Variants in SKI observed in about 807,000 individuals in gnomAD.
SKI encodes ski oncogene.
A neutral mutation model predicts 59.3 loss-of-function variants in SKI; 23 were observed. That is an observed-to-expected ratio of 0.39 (90% CI 0.28 to 0.55). The LOEUF is 0.55. Among genes scored for constraint, SKI ranks in the 20% least tolerant of loss-of-function variants. The pLI is 0.67. For missense variants in SKI, 1,017 were observed against 1,038.9 expected (o/e 0.98, Z 0.29); for synonymous variants, 673 against 488.6 (o/e 1.38, Z -4.98).
chr1:2,272,138 T>A (rs1044009550), intron 1 of SKI, among the ~76,000 whole-genome samples: 6 of 152,204 alleles, frequency 3.9e-5, no homozygotes, highest in African/African-American at 1.4e-4. Flanking sequence ...CGATTTTTAT[T>A]GCTGTCTCTT....
chr1:2,255,135 G>A (rs1286550940), intron 1 of SKI, among the ~76,000 whole-genome samples: 1 of 152,254 alleles, frequency 6.6e-6, no homozygotes, highest in East Asian at 1.9e-4. Flanking sequence ...GCTGAATGAT[G>A]ACAGCCAGTG....
At chr1:2,273,729 A>C (rs1158847923) in intron 1 of SKI, among the ~76,000 whole-genome samples, 1 of 152,124 alleles carries the variant, frequency 6.6e-6, no homozygotes, top group Non-Finnish European at 1.5e-5. Context: ...CATTGCACCA[A>C]AGTGTGCTCG....
At chr1:2,276,002 G>C (rs1336388588) in intron 1 of SKI, among the ~76,000 whole-genome samples, 1 of 152,214 alleles carries the variant, frequency 6.6e-6, no homozygotes, top group Non-Finnish European at 1.5e-5. Flanking sequence ...GGGGCAGGCA[G>C]CCTCTCAGAG....
At chr1:2,302,622 C>T (rs1367731390) in intron 1 of SKI, among the ~76,000 whole-genome samples, 2 of 152,114 alleles carry the variant, frequency 1.3e-5, no homozygotes, top group Admixed American at 6.5e-5. Flanking sequence ...CGAGGGACTC[C>T]TGGCCAGGCT....
chr1:2,241,949 C>CTG (rs34969427), intron 1 of SKI, among the ~76,000 whole-genome samples: 53,065 of 150,114 alleles, frequency 0.35, 9,417 homozygotes, highest in Admixed American at 0.47. Flanking sequence ...GCATGCCTGT[C>CTG]TGTGTGTGTG....
chr1:2,271,106 C>T (rs1180013793), intron 1 of SKI, among the ~76,000 whole-genome samples: 2 of 152,168 alleles, frequency 1.3e-5, no homozygotes, highest in Admixed American at 6.5e-5. Flanking sequence ...TTGGGGTTTC[C>T]TGATGGGTGT....
Position 2,306,031 on chromosome 1 carries a change from C to G in SKI, c.1779C>G (p.Phe593Leu). The change falls in exon 6 of 7, where the codon TTC becomes TTG. Residue 593 changes from phenylalanine to leucine, a missense_variant. By Grantham distance (22) the Phe-to-Leu change is conservative (BLOSUM62 0). Coordinates refer to ENST00000378536, the MANE Select transcript of SKI (RefSeq NM_003036.4). ...AKRSLHQELE[F>L]LRVAKKEKLR... is the part of the protein sequence containing the mutation. ...CCTCCGGCCCCCAGGAGCTGGAGTT[C>G]CTACGCGTGGCCAAGAAGGAGAAGC... 6.3e-7 allele frequency: 1 copy of G among 1,583,202 alleles called. No homozygotes were observed. The highest frequency in any genetic ancestry group is 8.6e-7 in the Non-Finnish European group (1 of 1,166,480).
chr1:2,283,200 G>A (rs571770165), intron 1 of SKI, among the ~76,000 whole-genome samples: 20 of 152,348 alleles, frequency 1.3e-4, no homozygotes, highest in East Asian at 3.9e-4. Context: ...GTGCCGGTGC[G>A]CCCCTCCTAT....
At chr1:2,248,395 C>T (rs1364079432) in intron 1 of SKI, among the ~76,000 whole-genome samples, 2 of 152,228 alleles carry the variant, frequency 1.3e-5, no homozygotes, top group African/African-American at 4.8e-5. Context: ...TTTTGTCCGG[C>T]TTTGTCCTAA....
At position 2,260,336 on chromosome 1, in the gene SKI, G is replaced by A. The variant is rs1639357932; in HGVS notation, c.969+30601G>A. ...TGGTGAAATGTCCCTTCTGATTTTT[G>A]CCAGTTATTTTAGACTGGGTTTGTT... On this transcript the variant is annotated intron_variant, in intron 1 of 6. Transcript: ENST00000378536. Among the ~76,000 whole-genome samples the A allele has an allele frequency of 2.0e-5, 3 of 152,052 alleles. No individual in the cohort carries two copies. The South Asian group carries it at 6.2e-4, about 32-fold the overall frequency.
At chr1:2,253,095 GAAAA>G (rs55741448) in intron 1 of SKI, among the ~76,000 whole-genome samples, 1 of 139,682 alleles carries the variant, frequency 7.2e-6, no homozygotes. Flanking sequence ...GACCCTGTCT[GAAAA>G]AAAAAAAAAA....
intron 1 of SKI, among the ~76,000 whole-genome samples, chr1:2,284,665 C>T (rs1230624658): frequency 7.2e-5 from 11 of 152,250 alleles, no homozygotes; most frequent in East Asian, 3.9e-4. Flanking sequence ...CCTCTTGCGG[C>T]GGCTCCCTCC....
intron 1 of SKI, among the ~76,000 whole-genome samples, chr1:2,286,840 A>G (rs1640049906): frequency 2.0e-5 from 3 of 152,338 alleles, no homozygotes; most frequent in African/African-American, 7.2e-5. Flanking sequence ...CGGGCTGGGA[A>G]TGGCAGTGGG....
At chr1:2,284,448 G>A (rs544331801) in intron 1 of SKI, among the ~76,000 whole-genome samples, 1 of 152,318 alleles carries the variant, frequency 6.6e-6, no homozygotes. Context: ...AAACCTAATT[G>A]GGCAACGGCA....
chr1:2,250,667 A>C (rs1457452140), intron 1 of SKI, among the ~76,000 whole-genome samples: 2 of 152,200 alleles, frequency 1.3e-5, no homozygotes, highest in Non-Finnish European at 2.9e-5. Flanking sequence ...TTCTAAAAGT[A>C]AGGGGATGTG....
intron 1 of SKI, among the ~76,000 whole-genome samples, chr1:2,282,420 G>A (rs1227066264): frequency 1.2e-5 from 1 of 81,354 alleles, no homozygotes; most frequent in East Asian, 4.5e-4. Flanking sequence ...GAGAGAGGAT[G>A]CCCGAGAAGA....
At chr1:2,275,490 GGA>G (rs1318178533) in intron 1 of SKI, among the ~76,000 whole-genome samples, 8 of 152,274 alleles carry the variant, frequency 5.3e-5, no homozygotes, top group African/African-American at 1.9e-4. Flanking sequence ...AGGGGTGTGG[GGA>G]GAGTTTGCTT....
rs895975809 is a variant in SKI, at chr1:2,307,074, C to T, written c.*309C>T. On this transcript the variant is annotated 3_prime_UTR_variant, in exon 7 of 7. Coordinates refer to ENST00000378536, the MANE Select transcript of SKI (RefSeq NM_003036.4). ...ACTTTTGTTATAAGCTATTTAAAAC[C>T]AGTAAGGAGACTTGAAATTCAGAAA... 3 of 198,722 alleles carry T rather than the reference C, an allele frequency of 1.5e-5. No homozygotes were observed. Among genetic ancestry groups the T allele is most frequent in the Non-Finnish European group, 3.0e-5 (3 of 98,516 alleles). 12.3% of individuals were successfully genotyped at this position (198,722 alleles called of 1,614,324 possible).
intron 1 of SKI, among the ~76,000 whole-genome samples, chr1:2,252,593 A>G (rs1171273490): frequency 8.7e-6 from 1 of 114,462 alleles, no homozygotes; most frequent in Non-Finnish European, 1.8e-5. Context: ...GGTACAGCTC[A>G]GGGAAGGGAG....
Sources: allele counts gnomAD v4.1 joint callset (sites outside exome capture counted in the v4.1 genomes callset), GRCh38; gene constraint gnomAD v4.1.1; transcripts MANE v1.5; gene names NCBI Gene and HGNC (gene_info 2026-07-23, HGNC 2026-07-21).